Variants in FFAR1 observed in about 807,000 individuals in gnomAD.
The protein encoded by FFAR1 is G-protein coupled receptor 40.
For missense variants in FFAR1, 424 were observed against 396.2 expected (o/e 1.07, Z -0.60); for synonymous variants, 216 against 201.5 (o/e 1.07, Z -0.61).
upstream of FFAR1, chr19:35,351,428 A>T: frequency 1.2e-6 from 1 of 812,306 alleles, no homozygotes; most frequent in Non-Finnish European, 2.0e-6. Context: ...GGTGAATTGT[A>T]ATTCTCCACA....
chr19:35,351,729 C>T (rs865873341), exon 1 of FFAR1: 1 of 1,563,978 alleles, frequency 6.4e-7, no homozygotes, highest in Non-Finnish European at 8.6e-7. Flanking sequence ...AGTCTCTCTG[C>T]CCCTGAAGGC....
upstream of FFAR1, among the ~76,000 whole-genome samples, chr19:35,348,203 AT>A (rs2066929103): frequency 6.6e-6 from 1 of 152,176 alleles, no homozygotes; most frequent in African/African-American, 2.4e-5. Flanking sequence ...AACTCTAGGA[AT>A]TATGGTTCAG....
chr19:35,353,541 C>T (rs1440125467), exon 1 of FFAR1: 1 of 152,146 alleles, frequency 6.6e-6, no homozygotes, highest in East Asian at 1.9e-4. Flanking sequence ...GTGCTGTATT[C>T]TTACAATAAA....
At chr19:35,349,873 C>T (rs2066936917), upstream of FFAR1, among the ~76,000 whole-genome samples, 1 of 152,240 alleles carries the variant, frequency 6.6e-6, no homozygotes, top group South Asian at 2.1e-4. Flanking sequence ...GCAGAGCTGG[C>T]TTCTCACCAG....
rs566498246 is a variant in FFAR1, at chr19:35,352,817, C to G, written c.*363C>G. Reference sequence around the variant, plus strand: ...GTCTGTTTCTGACCCACAGGAACTGCCACTCCGGTGATGCACTTGAGGACA... The same window carrying G: ...GTCTGTTTCTGACCCACAGGAACTGGCACTCCGGTGATGCACTTGAGGACA... On this transcript the variant is annotated 3_prime_UTR_variant, in exon 1 of 1. Coordinates refer to ENST00000246553, the Ensembl canonical transcript of FFAR1. The G allele has an allele frequency of 1.2e-5, 4 of 332,992 alleles. No individual in the cohort carries two copies. In the East Asian group the frequency reaches 1.9e-4, roughly 16 times the overall value. 20.6% of individuals were successfully genotyped at this position (332,992 alleles called of 1,614,324 possible). A position where few individuals can be genotyped will look rare whatever the true frequency, so the allele number is the denominator to read the frequency against.
chr19:35,353,724 CA>C (rs1265155729), exon 1 of FFAR1: 1 of 152,232 alleles, frequency 6.6e-6, no homozygotes, highest in East Asian at 1.9e-4. Context: ...TGGTAGATAT[CA>C]AGCAGTTCAA....
chr19:35,352,176 C>T (rs1445334503), exon 1 of FFAR1: 1 of 1,607,380 alleles, frequency 6.2e-7, no homozygotes, highest in South Asian at 1.1e-5. Flanking sequence ...CCTCCGGGCA[C>T]TGGCCCGCTC....
chr19:35,352,221 T>C (rs1163138974), exon 1 of FFAR1: 1 of 1,576,308 alleles, frequency 6.3e-7, no homozygotes, highest in Non-Finnish European at 8.6e-7. Flanking sequence ...GCGGGCCGCC[T>C]GGGTGGCCGG....
upstream of FFAR1, among the ~76,000 whole-genome samples, chr19:35,351,338 T>C (rs10418569): frequency 0.13 from 19,106 of 152,166 alleles, 1,470 homozygotes; most frequent in Middle Eastern, 0.21. Flanking sequence ...GGGCCACAGG[T>C]CCTGGCTTCT....
chr19:35,350,897 C>T (rs1161965412), upstream of FFAR1, among the ~76,000 whole-genome samples: 1 of 152,204 alleles, frequency 6.6e-6, no homozygotes, highest in Non-Finnish European at 1.5e-5. Context: ...ACCCCCAGAC[C>T]CCCTGCCCAG....
chr19:35,347,924 T>G (rs2066927413), upstream of FFAR1, among the ~76,000 whole-genome samples: 1 of 151,832 alleles, frequency 6.6e-6, no homozygotes, highest in African/African-American at 2.4e-5. Flanking sequence ...TCATTCGAGG[T>G]CCTCTGCACC....
exon 1 of FFAR1, chr19:35,352,401 G>A: frequency 6.4e-7 from 1 of 1,554,702 alleles, no homozygotes; most frequent in Non-Finnish European, 8.7e-7. Flanking sequence ...AAGGGGTCCT[G>A]GCCTGAAGAC....
exon 1 of FFAR1, chr19:35,352,187 C>T (rs761512453): frequency 8.1e-6 from 13 of 1,603,244 alleles, no homozygotes; most frequent in Admixed American, 1.7e-5. Flanking sequence ...TGGCCCGCTC[C>T]GGCCTGACGC....
chr19:35,350,836 G>A (rs1305126245), upstream of FFAR1, among the ~76,000 whole-genome samples: 1 of 152,190 alleles, frequency 6.6e-6, no homozygotes, highest in Non-Finnish European at 1.5e-5. Flanking sequence ...GCAGCACCAG[G>A]AGGTGGGTCC....
In FFAR1 at chr19:35,352,292, CT is replaced by C. The variant is rs768405979; in HGVS notation, c.743del (p.Phe248SerfsTer6). 2 of 1,552,184 alleles carry C rather than the reference CT, an allele frequency of 1.3e-6. No individual in the cohort carries two copies. The highest frequency in any genetic ancestry group is 2.4e-5 in the South Asian group (2 of 84,372). Reference sequence around the variant, plus strand: ...CCTACAACGCCTCCAACGTGGCCAGCTTCCTGTACCCCAATCTAGGAGGCTC... The same window carrying C: ...CCTACAACGCCTCCAACGTGGCCAGCTCCTGTACCCCAATCTAGGAGGCTC... On this transcript the variant is annotated frameshift_variant, in exon 1 of 1. Coordinates refer to ENST00000246553, the Ensembl canonical transcript of FFAR1. LOFTEE classifies it low-confidence loss of function (END_TRUNC).
chr19:35,350,330 C>T (rs61486137), upstream of FFAR1, among the ~76,000 whole-genome samples: 1,659 of 152,322 alleles, frequency 0.011, 29 homozygotes, highest in African/African-American at 0.038. Flanking sequence ...GAACCGCACC[C>T]GGGTGTGATC....
rs939180611 is a variant in FFAR1 at position 35,352,694 on chromosome 19, C to T, written c.*240C>T. ...CTGCACGTGTCGAGGAAGTTTGTCC[C>T]TTCCTCGCCTATCTTTCTCTCCCCT... is the stretch of plus-strand genomic sequence containing the variant. On this transcript the variant is annotated 3_prime_UTR_variant, in exon 1 of 1. Coordinates refer to ENST00000246553, the Ensembl canonical transcript of FFAR1. The T allele has an allele frequency of 5.2e-6, 3 of 579,004 alleles. No individual in the cohort carries two copies. The South Asian group carries it at 6.4e-5, about 12-fold the overall frequency. The allele number at this position is 579,004 out of a possible 1,614,324, so 35.9% of individuals were successfully genotyped here. A position where few individuals can be genotyped will look rare whatever the true frequency, so the allele number is the denominator to read the frequency against.
exon 1 of FFAR1, chr19:35,352,605 A>AGCC: frequency 1.2e-6 from 1 of 800,664 alleles, no homozygotes; most frequent in Non-Finnish European, 1.9e-6. Flanking sequence ...TGCTGAGGGC[A>AGCC]GCACCCCAGT....
upstream of FFAR1, chr19:35,351,492 G>A: frequency 6.6e-7 from 1 of 1,508,392 alleles, no homozygotes; most frequent in Admixed American, 2.0e-5. Flanking sequence ...GGGGCCCCAA[G>A]ATCTGAGGAC....
Sources: allele counts gnomAD v4.1 joint callset (sites outside exome capture counted in the v4.1 genomes callset), GRCh38; gene constraint gnomAD v4.1.1; transcripts MANE v1.5; gene names NCBI Gene and HGNC (gene_info 2026-07-23, HGNC 2026-07-21).